MBD2: variants seen among roughly 807,000 people sequenced by gnomAD.
MBD2 encodes methyl-CpG-binding domain protein 2.
Under a neutral mutation model 39.3 loss-of-function variants are expected in MBD2, and 9 were observed. That is an observed-to-expected ratio of 0.23 (90% confidence interval 0.14 to 0.40). MBD2 has a LOEUF of 0.40. MBD2 is among the 10% of genes least tolerant of loss of function. MBD2 has a pLI of 1.00. For missense variants in MBD2, 458 were observed against 532.6 expected (o/e 0.86, Z 1.38); for synonymous variants, 233 against 211.1 (o/e 1.10, Z -0.90).
At chr18:54,180,711 T>C (rs1200839939) in intron 3 of MBD2, among the ~76,000 whole-genome samples, 1 of 152,142 alleles carries the variant, frequency 6.6e-6, no homozygotes, top group Non-Finnish European at 1.5e-5. Context: ...AGTAAACTAC[T>C]GTTTTGAGAA....
intron 1 of MBD2, chr18:54,222,176 AAAG>A: frequency 3.2e-6 from 1 of 311,212 alleles, no homozygotes; most frequent in South Asian, 2.6e-5. Context: ...TCTGTTAATG[AAAG>A]AATACTAGAA....
Position 54,224,185 on chromosome 18 carries a change from C to G in MBD2, c.375G>C (p.Glu125Asp). 1 of 1,245,726 alleles carries G rather than the reference C, an allele frequency of 8.0e-7. No homozygotes were observed. Among genetic ancestry groups the G allele is most frequent in the Non-Finnish European group, 1.0e-6 (1 of 995,938 alleles). The allele number at this position is 1,245,726 out of a possible 1,614,324, so 77.2% of individuals were successfully genotyped here. The change falls in exon 1 of 7, where the codon GAG (glutamate) becomes GAC (aspartate). Residue 125 changes from glutamate (E) to aspartate (D), a missense_variant. Transcript: ENST00000256429. Reference protein sequence around the residue: ...GSGGGGAPRREPVPFPSGSAG... With the variant: ...GSGGGGAPRRDPVPFPSGSAG... ...CGCTCCCCGACGGGAAAGGGACCGG[C>G]TCCCGCCGGGGGGCGCCGCCGCCAC...
At chr18:54,217,670 T>C (rs1796674796) in intron 1 of MBD2, among the ~76,000 whole-genome samples, 1 of 152,186 alleles carries the variant, frequency 6.6e-6, no homozygotes, top group Admixed American at 6.6e-5. Flanking sequence ...TAACATTCCA[T>C]TAAAACTAAA....
At chr18:54,193,331 A>G (rs2086337324) in intron 2 of MBD2, among the ~76,000 whole-genome samples, 1 of 152,224 alleles carries the variant, frequency 6.6e-6, no homozygotes, top group Non-Finnish European at 1.5e-5. Flanking sequence ...GAAAAAGTGA[A>G]GCAGAAATTC....
At chr18:54,173,622 T>C (rs1306809898) in intron 3 of MBD2, among the ~76,000 whole-genome samples, 1 of 152,220 alleles carries the variant, frequency 6.6e-6, no homozygotes, top group Non-Finnish European at 1.5e-5. Context: ...ATACAATCTA[T>C]GCAATAAGGA....
At chr18:54,222,442 T>G in intron 1 of MBD2, 1 of 484,146 alleles carries the variant, frequency 2.1e-6, no homozygotes, top group Non-Finnish European at 4.1e-6. Flanking sequence ...AAATCAAATA[T>G]TTAATGATGA....
At chr18:54,191,623 C>A (rs1208858397) in intron 2 of MBD2, among the ~76,000 whole-genome samples, 1 of 152,246 alleles carries the variant, frequency 6.6e-6, no homozygotes, top group Non-Finnish European at 1.5e-5. Context: ...GCCCTGCAGG[C>A]ACTGAGTTTG....
intron 3 of MBD2, among the ~76,000 whole-genome samples, chr18:54,187,551 T>C (rs2086293800): frequency 6.6e-6 from 1 of 152,196 alleles, no homozygotes; most frequent in South Asian, 2.1e-4. Context: ...ATGAATATAC[T>C]GCAACCTCCT....
At chr18:54,218,298 C>T (rs1217043255) in intron 1 of MBD2, among the ~76,000 whole-genome samples, 1 of 151,962 alleles carries the variant, frequency 6.6e-6, no homozygotes, top group Non-Finnish European at 1.5e-5. Context: ...CATTTTTTTC[C>T]CCTCCAGGAT....
intron 1 of MBD2, among the ~76,000 whole-genome samples, chr18:54,206,100 A>G (rs2144332896): frequency 6.6e-6 from 1 of 152,350 alleles, no homozygotes; most frequent in East Asian, 1.9e-4. Context: ...CTGAAATGAG[A>G]AAACTAGAGC....
intron 2 of MBD2, among the ~76,000 whole-genome samples, chr18:54,194,589 A>C (rs2144317348): frequency 6.6e-6 from 1 of 150,998 alleles, no homozygotes; most frequent in African/African-American, 2.5e-5. Flanking sequence ...TAATGAAAAA[A>C]ATTTTTTAAA....
At chr18:54,202,936 C>T (rs773198672) in intron 2 of MBD2, 1 of 1,001,352 alleles carries the variant, frequency 1.0e-6, no homozygotes, top group East Asian at 2.4e-5. Flanking sequence ...GTATGCAGGG[C>T]AGGCTTCCCA....
chr18:54,177,635 C>T (rs1423484043), intron 3 of MBD2, among the ~76,000 whole-genome samples: 6 of 151,852 alleles, frequency 4.0e-5, no homozygotes, highest in African/African-American at 1.5e-4. Context: ...CGCCCGCCAC[C>T]ACGCCCGGCT....
intron 1 of MBD2, among the ~76,000 whole-genome samples, chr18:54,216,245 G>C (rs1022664003): frequency 6.6e-6 from 1 of 152,056 alleles, no homozygotes; most frequent in African/African-American, 2.4e-5. Context: ...CAAGTTTGAG[G>C]AAAAAAATTA....
rs2086040233 is a variant in MBD2 at position 54,154,563 on chromosome 18, T to C, written c.*761A>G. 6.6e-6 allele frequency: 1 copy of C among 152,196 alleles called. No individual in the cohort carries two copies. The highest frequency in any genetic ancestry group is 1.5e-5 in the Non-Finnish European group (1 of 68,038). 9.4% of individuals were successfully genotyped at this position (152,196 alleles called of 1,614,324 possible). A position where few individuals can be genotyped will look rare whatever the true frequency, so the allele number is the denominator to read the frequency against. ...TCATGCCCAAGGGAAGAAAAAGCCT[T>C]ATTCTTATAGAACTATCAAAAGTCC... On this transcript the variant is annotated 3_prime_UTR_variant, in exon 7 of 7. Coordinates refer to ENST00000256429, the MANE Select transcript of MBD2 (RefSeq NM_003927.5).
rs146008627 is a variant in MBD2, at chr18:54,158,103, T to C, written c.*12+1662A>G. The stretch of plus-strand genomic sequence containing the variant: ...ATGCTACTGACTCTTCAGTGATTCC[T>C]GCTAATTTTCATGATCAATCTCAAG... On this transcript the variant is annotated intron_variant, in intron 6 of 6. Coordinates refer to ENST00000256429, the MANE Select transcript of MBD2 (RefSeq NM_003927.5). 6.2e-3 allele frequency among the ~76,000 whole-genome samples: 949 copies of C among 152,286 alleles called. 7 individuals carry two copies. Among genetic ancestry groups the C allele is most frequent in the African/African-American group, 0.022 (911 of 41,546 alleles).
chr18:54,152,114 G>T lies in MBD2; in HGVS notation c.*3210C>A, dbSNP rs1229105345. 2.0e-5 allele frequency: 3 copies of T among 152,198 alleles called. No individual in the cohort carries two copies. The highest frequency in any genetic ancestry group is 6.5e-5 in the Admixed American group (1 of 15,270). The allele number at this position is 152,198 out of a possible 1,614,324, so 9.4% of individuals were successfully genotyped here. A position where few individuals can be genotyped will look rare whatever the true frequency, so the allele number is the denominator to read the frequency against. ...AATACAATAAAGTGCTTCCATGGAG[G>T]TATTTACAAAGTGCGGTGGGAACAG... On this transcript the variant is annotated 3_prime_UTR_variant, in exon 7 of 7. Coordinates refer to ENST00000256429, the MANE Select transcript of MBD2 (RefSeq NM_003927.5).
chr18:54,197,531 TTTTA>T (rs1434437859), intron 2 of MBD2, among the ~76,000 whole-genome samples: 2 of 152,224 alleles, frequency 1.3e-5, no homozygotes, highest in Non-Finnish European at 2.9e-5. Flanking sequence ...TTAAAATTGA[TTTTA>T]TTTACTCACA....
At chr18:54,191,737 T>C (rs1237695944) in intron 2 of MBD2, among the ~76,000 whole-genome samples, 5 of 152,182 alleles carry the variant, frequency 3.3e-5, no homozygotes, top group African/African-American at 1.2e-4. Flanking sequence ...ATTAAATGTG[T>C]CCTCACCTCT....
Sources: allele counts gnomAD v4.1 joint callset (sites outside exome capture counted in the v4.1 genomes callset), GRCh38; gene constraint gnomAD v4.1.1; transcripts MANE v1.5; gene names NCBI Gene and HGNC (gene_info 2026-07-23, HGNC 2026-07-21).